AHDC1: variants seen among roughly 807,000 people sequenced by gnomAD.
AHDC1 encodes the protein AT-hook DNA binding motif containing 1, also known as transcription factor Gibbin.
AHDC1 carries 7 observed loss-of-function variants against 87.9 expected under a neutral mutation model. That is an observed-to-expected ratio of 0.08 (90% CI 0.05 to 0.15). The LOEUF (loss-of-function observed/expected upper bound fraction) is 0.15. Among genes scored for constraint, AHDC1 ranks in the 10% least tolerant of loss-of-function variants. The probability of loss-of-function intolerance (pLI) is 1.00; values close to 1 mark genes in which losing one functional copy is unlikely to be tolerated. For synonymous variants in AHDC1, 1,051 were observed against 1,006.8 expected (o/e 1.04, Z -0.83); for missense variants, 1,841 against 2,253.2 (o/e 0.82, Z 3.70).
rs192316888 is a variant in AHDC1, at chr1:27,565,138, G to A, written c.-628-6255C>T. ...CATGCTCGCTCCCGCGCAGGGAAGC[G>A]GCTAATTTTAGCTGAGGCCTCGATG... is the stretch of plus-strand genomic sequence containing the variant. On this transcript the variant is annotated intron_variant, in intron 3 of 8. Transcript: ENST00000673934. The surrounding 1 kb of genome is among the most constrained non-coding windows in gnomAD (Gnocchi z 4.6). Among the ~76,000 whole-genome samples the A allele has an allele frequency of 1.1e-4, 16 of 152,306 alleles. No homozygotes were observed. Among genetic ancestry groups the A allele is most frequent in the East Asian group, 5.8e-4 (3 of 5,182 alleles).
At chr1:27,539,211 G>T (rs535514663) in intron 8 of AHDC1, among the ~76,000 whole-genome samples, 1 of 150,760 alleles carries the variant, frequency 6.6e-6, no homozygotes, top group Admixed American at 6.6e-5. Context: ...ATGATCGAGG[G>T]TCACCGCAGC....
chr1:27,539,352 G>A (rs981924053), intron 8 of AHDC1, among the ~76,000 whole-genome samples: 25 of 151,924 alleles, frequency 1.6e-4, no homozygotes, highest in African/African-American at 5.8e-4. Context: ...GCCCAGGCTG[G>A]TCTCAAACTC....
chr1:27,590,709 G>A lies in AHDC1; in HGVS notation c.-629+12688C>T, dbSNP rs2089198978. Among the ~76,000 whole-genome samples the A allele has an allele frequency of 6.6e-6, 1 of 152,126 alleles. No homozygotes were observed. ...AAGGTCCAAAGTTGGGGAAACTGAG[G>A]CAGTGAAGCCCTCCGCCCTACTCAT... On this transcript the variant is annotated intron_variant, in intron 3 of 8. Transcript: ENST00000673934. The surrounding 1 kb of genome is among the most constrained non-coding windows in gnomAD (Gnocchi z 5.4).
At chr1:27,544,246 G>A (rs1337228580) in intron 8 of AHDC1, among the ~76,000 whole-genome samples, 2 of 152,164 alleles carry the variant, frequency 1.3e-5, no homozygotes, top group Non-Finnish European at 2.9e-5. Context: ...GTTACATAAA[G>A]GGCCCAGCAC....
chr1:27,537,609 C>T (rs1423330870), intron 8 of AHDC1, among the ~76,000 whole-genome samples: 1 of 152,208 alleles, frequency 6.6e-6, no homozygotes, highest in Non-Finnish European at 1.5e-5. Context: ...AGCTACGGTA[C>T]CCTTGTCATC....
At chr1:27,577,141 C>T (rs72886314) in intron 3 of AHDC1, among the ~76,000 whole-genome samples, 16,236 of 152,188 alleles carry the variant, frequency 0.11, 2,410 homozygotes, top group African/African-American at 0.34. Flanking sequence ...AATCCCACAA[C>T]GGATGGGGAA....
At chr1:27,574,580 T>C (rs2088649731) in intron 3 of AHDC1, among the ~76,000 whole-genome samples, 2 of 152,144 alleles carry the variant, frequency 1.3e-5, no homozygotes, top group African/African-American at 4.8e-5. Flanking sequence ...CTATCCCGAC[T>C]GCTTTTGTTT....
intron 3 of AHDC1, among the ~76,000 whole-genome samples, chr1:27,588,593 C>T (rs1415107797): frequency 6.6e-6 from 1 of 152,098 alleles, no homozygotes; most frequent in African/African-American, 2.4e-5. Flanking sequence ...CTGCAGCAGG[C>T]CACACTCTTG....
In AHDC1 at chr1:27,561,312, G is replaced by A. The variant is rs1188461411; in HGVS notation, c.-628-2429C>T. ...TACATATGGTGGTGGTGGGTGGGAG[G>A]AGTCTGCATGGGGTCTGCCTGGCCC... On this transcript the variant is annotated intron_variant, in intron 3 of 8. Transcript: ENST00000673934. This position sits in a 1 kb window ranked among gnomAD's most constrained non-coding sequence, Gnocchi z 4.2. Among the ~76,000 whole-genome samples, 5 of 152,162 alleles carry A rather than the reference G, an allele frequency of 3.3e-5. No homozygotes were observed. The highest frequency in any genetic ancestry group is 7.3e-5 in the Non-Finnish European group (5 of 68,044).
Position 27,549,988 on chromosome 1 carries a change from C to T in AHDC1, c.2128G>A (p.Ala710Thr), listed in dbSNP as rs772577610. The T allele has an allele frequency of 2.0e-5, 32 of 1,600,514 alleles. No individual in the cohort carries two copies. Among genetic ancestry groups the T allele is most frequent in the Admixed American group, 3.4e-5 (2 of 58,842 alleles). ...GTAAGGCCCGGGCCCCCGACCCCAG[C>T]GGCTGCCACGGCCACCACCTTCTTT... ...KKKKVVAVAA[A>T]GVGGPGLTEL... The change falls in exon 8 of 9, where the codon GCT becomes ACT. Residue 710 changes from alanine (A) to threonine (T), a missense_variant. By Grantham distance (58) the Ala-to-Thr change is moderately conservative. Coordinates refer to ENST00000673934, the MANE Select transcript of AHDC1 (RefSeq NM_001371928.1).
At chr1:27,552,341 A>C in intron 7 of AHDC1, among the ~76,000 whole-genome samples, 152 bp from the exon 8 acceptor site, 2 of 136,990 alleles carry the variant, frequency 1.5e-5, no homozygotes, top group African/African-American at 5.5e-5. Flanking sequence ...CCCCTTGCTG[A>C]CTCCCAGCCT....
At chr1:27,586,986 C>T (rs1384247916) in intron 3 of AHDC1, among the ~76,000 whole-genome samples, 1 of 152,156 alleles carries the variant, frequency 6.6e-6, no homozygotes, top group Admixed American at 6.5e-5. Flanking sequence ...ATTTGGAGTG[C>T]CCCAAAATCC....
rs1047487208 is a variant in AHDC1, at chr1:27,565,739, G to A, written c.-628-6856C>T. On this transcript the variant is annotated intron_variant, in intron 3 of 8. Transcript: ENST00000673934. The surrounding 1 kb of genome is among the most constrained non-coding windows in gnomAD (Gnocchi z 4.6). ...TGAACTTGCCATCATTTTAGCAAGGGAAGGGACAAATCCCAAGAATCAGTG... is the reference window on the plus strand; with the variant it reads ...TGAACTTGCCATCATTTTAGCAAGGAAAGGGACAAATCCCAAGAATCAGTG... Among the ~76,000 whole-genome samples, 2 of 152,194 alleles carry A rather than the reference G, an allele frequency of 1.3e-5. No homozygotes were observed. The highest frequency in any genetic ancestry group is 2.9e-5 in the Non-Finnish European group (2 of 68,038).
At chr1:27,540,422 G>A (rs577079953) in intron 8 of AHDC1, among the ~76,000 whole-genome samples, 2 of 151,644 alleles carry the variant, frequency 1.3e-5, no homozygotes, top group Non-Finnish European at 2.9e-5. Flanking sequence ...AAAAAAACCT[G>A]AAATGTCCCA....
chr1:27,581,920 CCACA>C (rs1235109330), intron 3 of AHDC1, among the ~76,000 whole-genome samples: 8 of 152,204 alleles, frequency 5.3e-5, no homozygotes, highest in Admixed American at 5.2e-4. Flanking sequence ...TCAACACCAC[CCACA>C]CACTCACTCC....
intron 3 of AHDC1, among the ~76,000 whole-genome samples, chr1:27,589,954 C>T (rs902147784): frequency 4.6e-5 from 7 of 152,068 alleles, no homozygotes; most frequent in Non-Finnish European, 1.0e-4. Context: ...CTCATTCTGC[C>T]TCCAGAGTGC....
rs1448869462 is a variant in AHDC1, at chr1:27,549,372, A to G, written c.2744T>C (p.Leu915Pro). The G allele has an allele frequency of 6.2e-7, 1 of 1,612,942 alleles. No individual in the cohort carries two copies. Among genetic ancestry groups the G allele is most frequent in the Non-Finnish European group, 8.5e-7 (1 of 1,179,798 alleles). The change falls in exon 8 of 9, where the codon CTG (leucine) becomes CCG (proline). Residue 915 changes from leucine (L) to proline (P), a missense_variant. Physicochemically the swap from Leu to Pro is moderately conservative, Grantham distance 98. Coordinates refer to ENST00000673934, the MANE Select transcript of AHDC1 (RefSeq NM_001371928.1). ...AGADPSFQPV[L>P]SARQTFPPGR... is the part of the protein sequence containing the mutation. ...TGGTGGGAAGGTCTGGCGCGCGGAC[A>G]GGACAGGCTGAAAGGAGGGGTCCGC... is the stretch of plus-strand genomic sequence containing the variant.
At chr1:27,568,661 G>A (rs919613132) in intron 3 of AHDC1, among the ~76,000 whole-genome samples, 3 of 151,906 alleles carry the variant, frequency 2.0e-5, no homozygotes, top group Non-Finnish European at 4.4e-5. Flanking sequence ...GCGGGGTCGG[G>A]GCTTCGGACA....
At chr1:27,568,800 G>C (rs2148385430) in intron 3 of AHDC1, among the ~76,000 whole-genome samples, 1 of 152,050 alleles carries the variant, frequency 6.6e-6, no homozygotes, top group Admixed American at 6.5e-5. Context: ...TTCGTGGGCG[G>C]GGAGCTGGGC....
Sources: gnomAD v4.1 joint callset for allele counts (sites outside exome capture counted in the v4.1 genomes callset) on GRCh38, gnomAD v4.1.1 for gene constraint, Gnocchi (gnomAD v3.1) non-coding constraint, MANE v1.5 for transcripts, NCBI Gene and HGNC (gene_info 2026-07-23, HGNC 2026-07-21) for gene names.